IQCH: variants seen among roughly 807,000 people sequenced by gnomAD.
IQCH encodes the protein IQ domain-containing protein H.
A neutral mutation model predicts 117.0 loss-of-function variants in IQCH; 98 were observed. The observed-to-expected ratio is 0.84, with a 90% CI of 0.71 to 0.99. IQCH has a LOEUF of 0.99. Among genes scored for constraint, IQCH ranks in the 50% least tolerant of loss-of-function variants. The pLI, the probability that IQCH is intolerant of heterozygous loss-of-function variation, is 0.00. For synonymous variants in IQCH, 412 were observed against 448.2 expected (o/e 0.92, Z 1.02); for missense variants, 1,102 against 1,243.8 (o/e 0.89, Z 1.72).
At chr15:67,358,078 C>T (rs1445915796) in intron 7 of IQCH, among the ~76,000 whole-genome samples, 5 of 149,598 alleles carry the variant, frequency 3.3e-5, no homozygotes, top group African/African-American at 1.2e-4. Context: ...AGGCTGGTCT[C>T]GAACTCCTGA....
At chr15:67,323,509 T>G (rs1385568236) in intron 4 of IQCH, among the ~76,000 whole-genome samples, 1 of 152,212 alleles carries the variant, frequency 6.6e-6, no homozygotes, top group Non-Finnish European at 1.5e-5. Flanking sequence ...CCCAAAGTGC[T>G]GGGATTACAG....
At chr15:67,442,491 T>G (rs2140969424) in intron 16 of IQCH, among the ~76,000 whole-genome samples, 1 of 151,868 alleles carries the variant, frequency 6.6e-6, no homozygotes, top group Admixed American at 6.6e-5. Context: ...ACCACCTTAC[T>G]CCTGCAAGAA....
At chr15:67,279,723 C>A (rs577176183) in intron 4 of IQCH, among the ~76,000 whole-genome samples, 1 of 152,270 alleles carries the variant, frequency 6.6e-6, no homozygotes, top group East Asian at 1.9e-4. Flanking sequence ...TGAATTTTGG[C>A]TGGGTGCAGT....
At chr15:67,421,670 C>A in intron 16 of IQCH, 93 bp downstream of exon 16, 1 of 1,228,832 alleles carries the variant, frequency 8.1e-7, no homozygotes, top group Non-Finnish European at 1.2e-6. Flanking sequence ...GAGGGCTCTT[C>A]TAAAATGCAC....
intron 16 of IQCH, among the ~76,000 whole-genome samples, chr15:67,448,157 CTGTGTGTG>C (rs113292992): frequency 1.4e-5 from 2 of 147,584 alleles, no homozygotes; most frequent in Non-Finnish European, 3.0e-5. Flanking sequence ...CTAAGTGACT[CTGTGTGTG>C]TGTGTGTGTG....
At chr15:67,338,719 A>G (rs1350144429) in intron 5 of IQCH, among the ~76,000 whole-genome samples, 3 of 152,170 alleles carry the variant, frequency 2.0e-5, no homozygotes, top group East Asian at 1.9e-4. Context: ...GGTTAAGAAT[A>G]CAAGTTTTAC....
chr15:67,311,505 T>C (rs1967593606), intron 4 of IQCH, among the ~76,000 whole-genome samples: 2 of 149,886 alleles, frequency 1.3e-5, no homozygotes, highest in African/African-American at 2.4e-5. Context: ...AGCCTTATTG[T>C]TTCCAGTGTT....
rs926693755 is a variant in IQCH at position 67,473,616 on chromosome 15, A to G, written c.2677-2080A>G. Among the ~76,000 whole-genome samples the G allele has an allele frequency of 9.8e-5, 15 of 152,302 alleles. No individual in the cohort carries two copies. The highest frequency in any genetic ancestry group is 2.1e-4 in the South Asian group (1 of 4,828). ...GCTATCCACCTAATCTATTTCATGT[A>G]TTCATTCTCTTTTATTTAATAAACA... On this transcript the variant is annotated intron_variant, in intron 17 of 20. Coordinates refer to ENST00000335894, the MANE Select transcript of IQCH (RefSeq NM_001031715.3). This position sits in a 1 kb window ranked among gnomAD's most constrained non-coding sequence, Gnocchi z 4.9.
intron 1 of IQCH, among the ~76,000 whole-genome samples, chr15:67,257,512 G>A (rs7176940): frequency 0.67 from 101,922 of 152,104 alleles, 34,879 homozygotes; most frequent in Middle Eastern, 0.84. Context: ...AAGACACTTA[G>A]GTACAAAGAA....
intron 16 of IQCH, among the ~76,000 whole-genome samples, chr15:67,449,652 G>A (rs1474433238): frequency 6.6e-6 from 1 of 152,184 alleles, no homozygotes; most frequent in African/African-American, 2.4e-5. Context: ...TTGAAGTCAG[G>A]TAGCGTGATG....
At chr15:67,270,573 G>C (rs1965856673) in intron 3 of IQCH, among the ~76,000 whole-genome samples, 1 of 152,300 alleles carries the variant, frequency 6.6e-6, no homozygotes, top group Admixed American at 6.5e-5. Flanking sequence ...ATGGGAGTGA[G>C]TGAATTCTAC....
chr15:67,315,322 A>T (rs577206101), intron 4 of IQCH, among the ~76,000 whole-genome samples: 1 of 152,218 alleles, frequency 6.6e-6, no homozygotes, highest in Non-Finnish European at 1.5e-5. Flanking sequence ...GCAGAATCAC[A>T]CTTTTATAGT....
intron 17 of IQCH, among the ~76,000 whole-genome samples, chr15:67,468,097 C>T (rs1310186146): frequency 2.0e-5 from 3 of 152,156 alleles, no homozygotes; most frequent in East Asian, 1.9e-4. Context: ...GAAAAGGAAT[C>T]GCCTAACAGT....
intron 4 of IQCH, among the ~76,000 whole-genome samples, chr15:67,297,997 T>C (rs1966867486): frequency 6.6e-6 from 1 of 152,032 alleles, no homozygotes; most frequent in Non-Finnish European, 1.5e-5. Flanking sequence ...AAAAAAATTC[T>C]AATAATCTGT....
intron 3 of IQCH, among the ~76,000 whole-genome samples, chr15:67,268,781 G>A (rs1198717653): frequency 2.0e-5 from 3 of 152,100 alleles, no homozygotes; most frequent in Non-Finnish European, 4.4e-5. Flanking sequence ...GTCACAGAGA[G>A]AGAGGAGAGA....
In IQCH at chr15:67,413,343, G is replaced by T. The variant is rs1032135414; in HGVS notation, c.2098-3588G>T. On this transcript the variant is annotated intron_variant, in intron 14 of 20. Transcript: ENST00000335894. This position sits in a 1 kb window ranked among gnomAD's most constrained non-coding sequence, Gnocchi z 5.0. ...GTTCTTAGCTTGTTAAACCACTGCT[G>T]CGATGGAGTCCTTTGCTCCTGGATT... Among the ~76,000 whole-genome samples, 9 of 152,260 alleles carry T rather than the reference G, an allele frequency of 5.9e-5. No homozygotes were observed. The highest frequency in any genetic ancestry group is 2.2e-4 in the African/African-American group (9 of 41,550).
chr15:67,308,841 G>A (rs144720473), intron 4 of IQCH, among the ~76,000 whole-genome samples: 38 of 152,066 alleles, frequency 2.5e-4, no homozygotes, highest in African/African-American at 9.2e-4. Flanking sequence ...TGCTCTGGGA[G>A]CAGGGAGAGG....
Position 67,476,267 on chromosome 15 carries a change from C to T in IQCH, c.2799+449C>T, listed in dbSNP as rs1409148135. On this transcript the variant is annotated intron_variant, in intron 18 of 20. Transcript: ENST00000335894. This position sits in a 1 kb window ranked among gnomAD's most constrained non-coding sequence, Gnocchi z 4.1. ...CTCACTGTCTGGCAGCTGGTACATC[C>T]AAGGACAAGGCACTAGCAGATTTGG... 6.6e-6 allele frequency among the ~76,000 whole-genome samples: 1 copy of T among 152,254 alleles called. No individual in the cohort carries two copies. Among genetic ancestry groups the T allele is most frequent in the Non-Finnish European group, 1.5e-5 (1 of 68,042 alleles).
rs948527896 is a variant in IQCH at position 67,491,766 on chromosome 15, C to A, written c.2861+1702C>A. On this transcript the variant is annotated intron_variant, in intron 19 of 20. Transcript: ENST00000335894. This position sits in a 1 kb window ranked among gnomAD's most constrained non-coding sequence, Gnocchi z 4.9. ...CAGGGAAGGATCAGCCCCTTGCTTC[C>A]CAGTAACATTCTGCCCCTCAGCTCC... 2.6e-5 allele frequency among the ~76,000 whole-genome samples: 4 copies of A among 152,094 alleles called. No individual in the cohort carries two copies. Among genetic ancestry groups the A allele is most frequent in the African/African-American group, 9.7e-5 (4 of 41,424 alleles).
Sources: allele counts gnomAD v4.1 joint callset (sites outside exome capture counted in the v4.1 genomes callset), GRCh38; gene constraint gnomAD v4.1.1; non-coding constraint Gnocchi (gnomAD v3.1); transcripts MANE v1.5; gene names NCBI Gene and HGNC (gene_info 2026-07-23, HGNC 2026-07-21).